Variants in UBN1 observed in about 807,000 individuals in gnomAD.
UBN1 encodes the protein ubinuclein-1.
UBN1 carries 17 observed loss-of-function variants against 108.5 expected under a neutral mutation model. That is an observed-to-expected ratio of 0.16 (90% CI 0.11 to 0.24). The LOEUF is 0.24. UBN1 is among the 10% of genes least tolerant of loss of function. UBN1 has a pLI of 1.00. For missense variants in UBN1, 1,595 were observed against 1,394.4 expected (o/e 1.14, Z -2.29); for synonymous variants, 726 against 564.2 (o/e 1.29, Z -4.07).
chr16:4,860,942 A>C lies in UBN1; in HGVS notation c.950A>C (p.Glu317Ala). 6.2e-7 allele frequency: 1 copy of C among 1,614,190 alleles called. No individual in the cohort carries two copies. The highest frequency in any genetic ancestry group is 8.5e-7 in the Non-Finnish European group (1 of 1,180,030). The change falls in exon 7 of 18, where the codon GAG becomes GCG. Residue 317 changes from glutamate to alanine, a missense_variant. Transcript: ENST00000262376. ...GACTCGCTGACGGATTTGGACTTGG[A>C]GCATCTGCTCAGTGAGTCTCCAGAA... ...AMDSLTDLDL[E>A]HLLSESPEGS...
chr16:4,876,371 T>C (rs923484055), intron 15 of UBN1, among the ~76,000 whole-genome samples: 4 of 152,202 alleles, frequency 2.6e-5, no homozygotes, highest in African/African-American at 9.7e-5. Context: ...CTAAGCTCTT[T>C]AGTTTCTGGT....
chr16:4,875,374 G>A lies in UBN1; in HGVS notation c.2964G>A (p.Leu988=). The A allele has an allele frequency of 6.2e-7, 1 of 1,614,186 alleles. No homozygotes were observed. The highest frequency in any genetic ancestry group is 1.1e-5 in the South Asian group (1 of 91,088). The change falls in exon 15 of 18, where the codon CTG becomes CTA. Residue 988 remains leucine (L), a synonymous_variant. Transcript: ENST00000262376. ...GGACCCAGGGAGTGGCAAAGTTGCT[G>A]ACCTCGCCGTCCCTAAAGCCCTCTG... is the stretch of plus-strand genomic sequence containing the variant. ...SGGTQGVAKL[L]TSPSLKPSAV...
intron 1 of UBN1, among the ~76,000 whole-genome samples, chr16:4,849,956 A>AAAAAAAAAAC (rs2086471236): frequency 1.3e-5 from 2 of 149,408 alleles, no homozygotes; most frequent in African/African-American, 5.0e-5. Context: ...TCACAAAAAA[A>AAAAAAAAAAC]AAAAAAAAAA....
intron 1 of UBN1, among the ~76,000 whole-genome samples, chr16:4,850,882 C>T (rs2086525970): frequency 6.6e-6 from 1 of 152,088 alleles, no homozygotes; most frequent in Non-Finnish European, 1.5e-5. Flanking sequence ...CAAAATAATA[C>T]ATAGGCTGGA....
intron 7 of UBN1, among the ~76,000 whole-genome samples, chr16:4,861,919 G>A (rs534245093): frequency 6.6e-6 from 1 of 152,272 alleles, no homozygotes; most frequent in Non-Finnish European, 1.5e-5. Flanking sequence ...TCTAGCCTGG[G>A]CCACAGAGCA....
At chr16:4,856,717 C>T (rs2086827609) in intron 2 of UBN1, among the ~76,000 whole-genome samples, 1 of 152,178 alleles carries the variant, frequency 6.6e-6, no homozygotes, top group Admixed American at 6.5e-5. Flanking sequence ...TACATAGAAT[C>T]CAGTGCTGCT....
At chr16:4,855,606 CAAAAAAA>C (rs36072146) in intron 2 of UBN1, among the ~76,000 whole-genome samples, 1 of 80,242 alleles carries the variant, frequency 1.2e-5, no homozygotes. Context: ...GACCCTGTGT[CAAAAAAA>C]AAAAAAAAAA....
chr16:4,880,270 T>C lies in UBN1; in HGVS notation c.*138T>C. 1.0e-6 allele frequency: 1 copy of C among 1,004,754 alleles called. No individual in the cohort carries two copies. The highest frequency in any genetic ancestry group is 1.4e-5 in the South Asian group (1 of 72,698). The allele number at this position is 1,004,754 out of a possible 1,614,324, so 62.2% of individuals were successfully genotyped here. ...GCGTGAGTTCTCAGCGGAGCGCTTC[T>C]CGGCACTTCTGATGTGCCTCCCATG... On this transcript the variant is annotated 3_prime_UTR_variant, in exon 18 of 18. Coordinates refer to ENST00000262376, the MANE Select transcript of UBN1 (RefSeq NM_001079514.3).
At chr16:4,849,360 C>CAAAAA (rs2086412273) in intron 1 of UBN1, among the ~76,000 whole-genome samples, 4 of 151,788 alleles carry the variant, frequency 2.6e-5, no homozygotes, top group African/African-American at 9.7e-5. Context: ...AAAACAAAAA[C>CAAAAA]CAAAAAACCC....
chr16:4,869,033 A>G (rs1480521737), intron 8 of UBN1, 130 bp downstream of exon 8: 2 of 836,860 alleles, frequency 2.4e-6, no homozygotes, highest in Admixed American at 3.3e-5. Flanking sequence ...TAAAAGAAGA[A>G]TTGGATTAAC....
chr16:4,870,698 C>T lies in UBN1; in HGVS notation c.1430+64C>T, dbSNP rs553302988. 6.2e-5 allele frequency: 100 copies of T among 1,600,776 alleles called. No homozygotes were observed. The African/African-American group carries it at 9.7e-4, about 15-fold the overall frequency. ...TCTTGCCTCTTCCCCTCCCGTTTCT[C>T]GGTGTGTACTGCCGTTTCCCAAGGA... On this transcript the variant is annotated intron_variant, in intron 10 of 17. Coordinates refer to ENST00000262376, the MANE Select transcript of UBN1 (RefSeq NM_001079514.3).
At chr16:4,873,503 A>T (rs895882373) in intron 14 of UBN1, among the ~76,000 whole-genome samples, 1 of 152,234 alleles carries the variant, frequency 6.6e-6, no homozygotes, top group African/African-American at 2.4e-5. Context: ...TGGAGAATAG[A>T]CACTGTGAAA....
intron 7 of UBN1, among the ~76,000 whole-genome samples, chr16:4,862,736 G>A (rs2087125743): frequency 6.6e-6 from 1 of 152,194 alleles, no homozygotes; most frequent in Non-Finnish European, 1.5e-5. Context: ...CACTTTCTTG[G>A]GAAAGATGGG....
Position 4,874,638 on chromosome 16 carries a change from C to T in UBN1, c.2228C>T (p.Ala743Val). ...CCCCTCAATTTTCTGGCAGAACAGG[C>T]TCTGGCACTGGGGCAGTCCTCTCAG... ...QSPLNFLAEQ[A>V]LALGQSSQEK... The change falls in exon 15 of 18, where the codon GCT (alanine) becomes GTT (valine). Residue 743 changes from alanine (A) to valine (V), a missense_variant. Ala to Val is a moderately conservative substitution (Grantham distance 64). Coordinates refer to ENST00000262376, the MANE Select transcript of UBN1 (RefSeq NM_001079514.3). The T allele has an allele frequency of 1.2e-6, 2 of 1,614,232 alleles. No individual in the cohort carries two copies. The highest frequency in any genetic ancestry group is 8.5e-7 in the Non-Finnish European group (1 of 1,180,042).
rs962435859 is a variant in UBN1, at chr16:4,881,284, G to C, written c.*1152G>C. ...GTAGAAATAGGCCTTGAAGTCCTGG[G>C]GCTCTCCAGGCAGTGGGGTTATGTG... On this transcript the variant is annotated 3_prime_UTR_variant, in exon 18 of 18. Transcript: ENST00000262376. 3 of 152,718 alleles carry C rather than the reference G, an allele frequency of 2.0e-5. No homozygotes were observed. Among genetic ancestry groups the C allele is most frequent in the African/African-American group, 7.2e-5 (3 of 41,440 alleles). 9.5% of individuals were successfully genotyped at this position (152,718 alleles called of 1,614,324 possible).
chr16:4,862,621 G>T (rs2087119093), intron 7 of UBN1, among the ~76,000 whole-genome samples: 1 of 152,194 alleles, frequency 6.6e-6, no homozygotes, highest in Non-Finnish European at 1.5e-5. Flanking sequence ...ATCATTTAAG[G>T]TCTATGTGAC....
chr16:4,876,988 C>A lies in UBN1; in HGVS notation c.3142C>A (p.Pro1048Thr). Reference protein sequence around the residue: ...MSSNSLGIITPVPIPVHVLSF... With the variant: ...MSSNSLGIITTVPIPVHVLSF... ...CTCGAACTCCTTGGGAATTATAACC[C>A]CTGTCCCTATTCCTGTCCATGTGCT... The change falls in exon 16 of 18, where the codon CCT becomes ACT. Residue 1048 changes from proline (P) to threonine (T), a missense_variant. By Grantham distance (38) the Pro-to-Thr change is conservative. Coordinates refer to ENST00000262376, the MANE Select transcript of UBN1 (RefSeq NM_001079514.3). 6.2e-7 allele frequency: 1 copy of A among 1,614,214 alleles called. No homozygotes were observed.
At chr16:4,855,650 G>C (rs2086773897) in intron 2 of UBN1, among the ~76,000 whole-genome samples, 1 of 150,334 alleles carries the variant, frequency 6.7e-6, no homozygotes, top group Non-Finnish European at 1.5e-5. Context: ...CTGGCGCAGT[G>C]ACTCATGCCT....
chr16:4,870,651 G>A lies in UBN1; in HGVS notation c.1430+17G>A, dbSNP rs369488885. 3.7e-5 allele frequency: 59 copies of A among 1,613,602 alleles called. No individual in the cohort carries two copies. The highest frequency in any genetic ancestry group is 1.8e-4 in the Admixed American group (11 of 59,972). ...GGTTGCCAAGTAAGTTTGTCCTGGC[G>A]CTTGCAGGTGCAACCCTCCCGTCTT... On this transcript the variant is annotated intron_variant, in intron 10 of 17. Coordinates refer to ENST00000262376, the MANE Select transcript of UBN1 (RefSeq NM_001079514.3).
Sources: allele counts gnomAD v4.1 joint callset (sites outside exome capture counted in the v4.1 genomes callset), GRCh38; gene constraint gnomAD v4.1.1; transcripts MANE v1.5; gene names NCBI Gene and HGNC (gene_info 2026-07-23, HGNC 2026-07-21).